The following DLEU7 variants were observed in gnomAD, a reference collection of about 807,000 sequenced individuals.
DLEU7 encodes leukemia-associated protein 7.
In DLEU7, 17 loss-of-function variants were observed where a neutral mutation model predicts 16.0. That is an observed-to-expected ratio of 1.06 (90% CI 0.73 to 1.59). DLEU7 has a LOEUF of 1.59. Ranked by LOEUF, DLEU7 falls within the 40% of genes most tolerant of loss-of-function variation. The pLI, the probability that DLEU7 is intolerant of heterozygous loss-of-function variation, is 0.00. For synonymous variants in DLEU7, 113 were observed against 139.8 expected, an observed-to-expected ratio of 0.81 and a Z score of 1.35; for missense variants, 308 against 314.9, an observed-to-expected ratio of 0.98 and a Z score of 0.17.
intron 1 of DLEU7, among the ~76,000 whole-genome samples, chr13:50,761,994 G>A (rs1295113312): frequency 6.6e-6 from 1 of 151,850 alleles, no homozygotes; most frequent in East Asian, 1.9e-4. Context: ...TTCAAGACCT[G>A]CCTGGCCAAG....
chr13:50,787,939 A>G (rs1029827284), intron 1 of DLEU7, among the ~76,000 whole-genome samples: 1 of 151,896 alleles, frequency 6.6e-6, no homozygotes, highest in Non-Finnish European at 1.5e-5. Flanking sequence ...ACTCTGATGG[A>G]TCCTCTGCTG....
At chr13:50,812,365 C>T (rs1021678724) in intron 1 of DLEU7, among the ~76,000 whole-genome samples, 3 of 152,118 alleles carry the variant, frequency 2.0e-5, no homozygotes, top group Non-Finnish European at 2.9e-5. Context: ...AGATGCATTT[C>T]GGGTTTGACT....
Position 50,825,964 on chromosome 13 carries a change from C to T in DLEU7, c.460-2444G>A, listed in dbSNP as rs532044974. ...CATGTTGGTGTGCTGCACCCATTAA[C>T]TCGTCATTTACATTAGGTATATCTC... On this transcript the variant is annotated intron_variant, in intron 1 of 1. Coordinates refer to ENST00000504404, the MANE Select transcript of DLEU7 (RefSeq NM_001306135.2). Among the ~76,000 whole-genome samples, 8 of 151,850 alleles carry T rather than the reference C, an allele frequency of 5.3e-5. No homozygotes were observed. In the East Asian group the frequency reaches 1.5e-3, roughly 29 times the overall value.
At chr13:50,756,233 T>C (rs958967809) in intron 1 of DLEU7, among the ~76,000 whole-genome samples, 7 of 152,174 alleles carry the variant, frequency 4.6e-5, no homozygotes, top group African/African-American at 1.7e-4. Context: ...GCATCAGCTG[T>C]GGTAGTATGG....
At chr13:50,747,806 A>C (rs1192847906) in intron 1 of DLEU7, among the ~76,000 whole-genome samples, 1 of 152,208 alleles carries the variant, frequency 6.6e-6, no homozygotes, top group Non-Finnish European at 1.5e-5. Flanking sequence ...AGGCTAACAA[A>C]CAACCAATTG....
chr13:50,778,231 C>T (rs547650884), intron 1 of DLEU7, among the ~76,000 whole-genome samples: 76 of 152,224 alleles, frequency 5.0e-4, no homozygotes, highest in African/African-American at 1.7e-3. Context: ...GGGGAACTGG[C>T]ACACAGTTTT....
At chr13:50,792,475 C>T (rs1319428686) in intron 1 of DLEU7, among the ~76,000 whole-genome samples, 1 of 152,166 alleles carries the variant, frequency 6.6e-6, no homozygotes, top group Non-Finnish European at 1.5e-5. Context: ...CCCAGCACGA[C>T]TCCACACAGA....
At chr13:50,824,332 G>T (rs997208246) in intron 1 of DLEU7, among the ~76,000 whole-genome samples, 13 of 152,126 alleles carry the variant, frequency 8.5e-5, no homozygotes, top group Non-Finnish European at 1.5e-5. Flanking sequence ...AGATAATGCT[G>T]AATATAAGAT....
chr13:50,794,741 C>A (rs1436965133), intron 1 of DLEU7, among the ~76,000 whole-genome samples: 6 of 152,086 alleles, frequency 3.9e-5, no homozygotes, highest in Admixed American at 3.3e-4. Context: ...TTCCTTTTAA[C>A]TGAGGCTCAA....
At chr13:50,764,475 A>G (rs1297149896) in intron 1 of DLEU7, among the ~76,000 whole-genome samples, 1 of 152,246 alleles carries the variant, frequency 6.6e-6, no homozygotes, top group Non-Finnish European at 1.5e-5. Context: ...GACCTAGGCT[A>G]TACAGAAAGC....
chr13:50,783,401 T>C (rs1875709606), intron 1 of DLEU7, among the ~76,000 whole-genome samples: 1 of 152,186 alleles, frequency 6.6e-6, no homozygotes, highest in Non-Finnish European at 1.5e-5. Flanking sequence ...GGTTACGTCA[T>C]CTTACACATA....
chr13:50,777,172 A>G (rs1388185793), intron 1 of DLEU7, among the ~76,000 whole-genome samples: 1 of 152,176 alleles, frequency 6.6e-6, no homozygotes, highest in Non-Finnish European at 1.5e-5. Flanking sequence ...CTAATCACTG[A>G]ACTAATAGAC....
chr13:50,818,395 G>A (rs1351010589), downstream of DLEU7: 1 of 152,116 alleles, frequency 6.6e-6, no homozygotes, highest in Non-Finnish European at 1.5e-5. Context: ...AAAATGCACT[G>A]ATCAATTTAA....
At chr13:50,760,219 G>A (rs1036689885) in intron 1 of DLEU7, among the ~76,000 whole-genome samples, 6 of 152,154 alleles carry the variant, frequency 3.9e-5, no homozygotes, top group Admixed American at 1.3e-4. Context: ...CCAAATTTTA[G>A]CAATCACAGT....
chr13:50,803,003 C>T (rs1407328407), intron 1 of DLEU7, among the ~76,000 whole-genome samples: 1 of 152,106 alleles, frequency 6.6e-6, no homozygotes, highest in African/African-American at 2.4e-5. Context: ...TTTATTTAAC[C>T]TGTTCCCTAT....
intron 1 of DLEU7, among the ~76,000 whole-genome samples, chr13:50,728,597 A>C (rs1697054637): frequency 6.6e-6 from 1 of 152,072 alleles, no homozygotes; most frequent in Non-Finnish European, 1.5e-5. Context: ...TCCATGGGGA[A>C]GGGTCAAGCT....
intron 1 of DLEU7, among the ~76,000 whole-genome samples, chr13:50,766,234 T>C (rs924947179): frequency 2.6e-5 from 4 of 152,162 alleles, no homozygotes; most frequent in Non-Finnish European, 4.4e-5. Context: ...TAAAGAAGGA[T>C]ACTGTCAGCC....
At chr13:50,728,098 G>A (rs79367015) in intron 1 of DLEU7, among the ~76,000 whole-genome samples, 7,337 of 152,234 alleles carry the variant, frequency 0.048, 259 homozygotes, top group Non-Finnish European at 0.075. Context: ...ACCTGGCAGG[G>A]TCACCTTCTT....
chr13:50,834,914 G>A (rs1044943023), intron 1 of DLEU7, among the ~76,000 whole-genome samples: 2 of 151,964 alleles, frequency 1.3e-5, no homozygotes, highest in South Asian at 4.2e-4. Context: ...AAGCCATGAA[G>A]CCATCATTGT....
Sources: allele counts gnomAD v4.1 joint callset (sites outside exome capture counted in the v4.1 genomes callset), GRCh38; gene constraint gnomAD v4.1.1; transcripts MANE v1.5; gene names NCBI Gene and HGNC (gene_info 2026-07-23, HGNC 2026-07-21).